Variants in DPP10 observed in about 807,000 individuals in gnomAD.
DPP10 encodes dipeptidyl peptidase like 10, also known as inactive dipeptidyl peptidase 10.
A neutral mutation model predicts 120.9 loss-of-function variants in DPP10; 33 were observed. The ratio of observed to expected loss-of-function variants is 0.27; its 90% confidence interval spans 0.21 to 0.37. DPP10 has a LOEUF of 0.37. DPP10 is among the 10% of genes least tolerant of loss of function. The pLI, the probability that DPP10 is intolerant of heterozygous loss-of-function variation, is 1.00. For synonymous variants in DPP10, 337 were observed against 326.1 expected (o/e 1.03, Z -0.36); for missense variants, 816 against 942.8 (o/e 0.87, Z 1.76).
At chr2:115,807,244 C>T (rs1408489312) in intron 19 of DPP10, among the ~76,000 whole-genome samples, 1 of 152,116 alleles carries the variant, frequency 6.6e-6, no homozygotes, top group Non-Finnish European at 1.5e-5. Flanking sequence ...TTGTACATTC[C>T]TTCTATTTTA....
chr2:115,155,271 T>A (rs2051833432), intron 1 of DPP10, among the ~76,000 whole-genome samples: 1 of 152,148 alleles, frequency 6.6e-6, no homozygotes. Flanking sequence ...AGATAGACAC[T>A]ACAAAGAGTG....
intron 2 of DPP10, among the ~76,000 whole-genome samples, chr2:115,325,945 GT>G (rs201336610): frequency 0.012 from 1,874 of 152,170 alleles, 8 homozygotes; most frequent in African/African-American, 0.018. Context: ...CATTGTAGAG[GT>G]TTTTTGCTGT....
In DPP10 at chr2:115,286,513, AATATATATATATAAT is replaced by A. The variant is rs1559366761; in HGVS notation, c.61-22711_61-22697del. 9.6e-3 allele frequency among the ~76,000 whole-genome samples: 368 copies of A among 38,526 alleles called. 22 individuals are homozygous for A. Among genetic ancestry groups the A allele is most frequent in the African/African-American group, 0.025 (338 of 13,792 alleles). The allele number at this position is 38,526 out of a possible 152,430, so 25.3% of individuals were successfully genotyped here. A position where few individuals can be genotyped will look rare whatever the true frequency, so the allele number is the denominator to read the frequency against. Reference sequence around the variant, plus strand: ...TATAATATATATATATTACATATATAATATATATATATAATATATATATATATAAAATATATACAG... The same window carrying A: ...TATAATATATATATATTACATATATAATATATATATATAAAATATATACAG... On this transcript the variant is annotated intron_variant, in intron 1 of 25. Transcript: ENST00000410059.
chr2:115,588,899 T>C (rs2082454863), intron 5 of DPP10, among the ~76,000 whole-genome samples: 1 of 152,208 alleles, frequency 6.6e-6, no homozygotes, highest in Non-Finnish European at 1.5e-5. Context: ...TATTCAGGTA[T>C]GCCTAGACCA....
intron 1 of DPP10, among the ~76,000 whole-genome samples, chr2:114,734,712 A>C (rs1418945640): frequency 6.6e-6 from 1 of 152,188 alleles, no homozygotes; most frequent in Non-Finnish European, 1.5e-5. Flanking sequence ...TTATCACAGA[A>C]AAGTGTCTGA....
At chr2:114,693,925 T>A (rs1699917124) in intron 1 of DPP10, among the ~76,000 whole-genome samples, 1 of 151,980 alleles carries the variant, frequency 6.6e-6, no homozygotes, top group Non-Finnish European at 1.5e-5. Flanking sequence ...CTGTTTACAA[T>A]TACTGTGTAT....
chr2:115,792,400 T>C (rs967407819), intron 19 of DPP10, among the ~76,000 whole-genome samples: 2 of 152,124 alleles, frequency 1.3e-5, no homozygotes, highest in African/African-American at 4.8e-5. Context: ...TATTTTAATA[T>C]ATACAAGCAA....
intron 17 of DPP10, among the ~76,000 whole-genome samples, chr2:115,789,436 G>A (rs1166113821): frequency 1.3e-5 from 2 of 152,022 alleles, no homozygotes; most frequent in African/African-American, 4.8e-5. Context: ...AAATTAATAG[G>A]AATACCTAAT....
At chr2:115,730,033 A>T (rs1318478408) in intron 8 of DPP10, among the ~76,000 whole-genome samples, 2 of 152,164 alleles carry the variant, frequency 1.3e-5, no homozygotes, top group African/African-American at 4.8e-5. Flanking sequence ...AATGATTTGG[A>T]ATTTCAATTA....
At chr2:115,293,122 C>T (rs962796481) in intron 1 of DPP10, among the ~76,000 whole-genome samples, 2 of 151,900 alleles carry the variant, frequency 1.3e-5, no homozygotes, top group Admixed American at 6.6e-5. Flanking sequence ...AAGTAAGCCA[C>T]AGTGCCAAAG....
Position 114,635,590 on chromosome 2 carries a change from C to G in DPP10, c.60+192752C>G, listed in dbSNP as rs558998202. Among the ~76,000 whole-genome samples the G allele has an allele frequency of 5.9e-4, 90 of 151,904 alleles. 4 individuals are homozygous for G. Among genetic ancestry groups the G allele is most frequent in the African/African-American group, 2.1e-3 (85 of 41,246 alleles). On this transcript the variant is annotated intron_variant, in intron 1 of 25. Transcript: ENST00000410059. ...TTTCTGACATTAGTAAATGCCTTGG[C>G]CCCTGCCTTAGAGAGTTTGTTATAT...
At chr2:114,963,568 C>G (rs1228791144) in intron 1 of DPP10, among the ~76,000 whole-genome samples, 2 of 152,124 alleles carry the variant, frequency 1.3e-5, no homozygotes, top group African/African-American at 2.4e-5. Context: ...CTCTACATAA[C>G]CAGGCTGATG....
intron 1 of DPP10, among the ~76,000 whole-genome samples, chr2:114,601,082 T>C (rs1692326758): frequency 6.6e-6 from 1 of 151,852 alleles, no homozygotes; most frequent in African/African-American, 2.4e-5. Flanking sequence ...TAGAAACTTT[T>C]TCAGACTATT....
chr2:114,759,942 T>C lies in DPP10; in HGVS notation c.60+317104T>C, dbSNP rs147784463. ...AATAAACAGAATTTGGAATCAGTTA[T>C]ATGGAAAAGACACAGAGAAGCAATT... On this transcript the variant is annotated intron_variant, in intron 1 of 25. Transcript: ENST00000410059. Among the ~76,000 whole-genome samples, 4 of 152,318 alleles carry C rather than the reference T, an allele frequency of 2.6e-5. No individual in the cohort carries two copies. In the East Asian group the frequency reaches 7.7e-4, roughly 29 times the overall value.
intron 1 of DPP10, among the ~76,000 whole-genome samples, chr2:114,699,101 G>T (rs1441824406): frequency 6.6e-6 from 1 of 152,060 alleles, no homozygotes; most frequent in Non-Finnish European, 1.5e-5. Context: ...GGCTGCTCTA[G>T]GCAGGAGGAC....
intron 3 of DPP10, among the ~76,000 whole-genome samples, chr2:115,393,898 G>A (rs2067488912): frequency 6.6e-6 from 1 of 152,124 alleles, no homozygotes; most frequent in African/African-American, 2.4e-5. Context: ...ACATATGGAG[G>A]TCCATAGATG....
intron 1 of DPP10, among the ~76,000 whole-genome samples, chr2:114,560,755 A>G (rs1182378193): frequency 6.6e-6 from 1 of 152,244 alleles, no homozygotes; most frequent in Non-Finnish European, 1.5e-5. Flanking sequence ...GAAGAAAAGA[A>G]TATGTGCCAT....
intron 8 of DPP10, among the ~76,000 whole-genome samples, chr2:115,730,669 A>C (rs887668638): frequency 2.6e-5 from 4 of 152,178 alleles, no homozygotes; most frequent in African/African-American, 9.7e-5. Context: ...TTTCCTGACA[A>C]ATACGGTAAT....
chr2:115,204,859 T>A (rs980877002), intron 1 of DPP10, among the ~76,000 whole-genome samples: 3 of 152,188 alleles, frequency 2.0e-5, no homozygotes, highest in Non-Finnish European at 2.9e-5. Flanking sequence ...ATGTTAAGTA[T>A]TTTTTCATGT....
Sources: gnomAD v4.1 joint callset for allele counts (sites outside exome capture counted in the v4.1 genomes callset) on GRCh38, gnomAD v4.1.1 for gene constraint, MANE v1.5 for transcripts, NCBI Gene and HGNC (gene_info 2026-07-23, HGNC 2026-07-21) for gene names.